PPM1H: variants seen among roughly 807,000 people sequenced by gnomAD.
PPM1H encodes protein phosphatase, Mg2+/Mn2+ dependent 1H.
Under a neutral mutation model 54.9 loss-of-function variants are expected in PPM1H, and 27 were observed. That is an observed-to-expected ratio of 0.49 (90% CI 0.36 to 0.68). The LOEUF (loss-of-function observed/expected upper bound fraction) is 0.68. Ranked by LOEUF, PPM1H falls within the 30% of genes least tolerant of loss-of-function variation. PPM1H has a pLI of 0.00. For synonymous variants in PPM1H, 305 were observed against 270.8 expected (o/e 1.13, Z -1.24); for missense variants, 596 against 667.8 (o/e 0.89, Z 1.19).
At chr12:62,905,868 A>G (rs896993403) in intron 1 of PPM1H, among the ~76,000 whole-genome samples, 39 of 152,204 alleles carry the variant, frequency 2.6e-4, no homozygotes, top group African/African-American at 9.4e-4. Context: ...TAGCTTCCAT[A>G]TGATGATGCA....
At chr12:62,835,568 A>C (rs910594717) in intron 1 of PPM1H, among the ~76,000 whole-genome samples, 1 of 152,238 alleles carries the variant, frequency 6.6e-6, no homozygotes, top group African/African-American at 2.4e-5. Context: ...TAGCTTATGA[A>C]TAGCACTAAT....
chr12:62,927,513 T>G (rs1872006119), intron 1 of PPM1H, among the ~76,000 whole-genome samples: 1 of 151,490 alleles, frequency 6.6e-6, no homozygotes, highest in Non-Finnish European at 1.5e-5. Context: ...TACAAAAAAA[T>G]TACCTGGGTG....
chr12:62,914,534 A>T (rs1437720138), intron 1 of PPM1H, among the ~76,000 whole-genome samples: 1 of 152,218 alleles, frequency 6.6e-6, no homozygotes, highest in Non-Finnish European at 1.5e-5. Flanking sequence ...GACTTAGCAC[A>T]TCTGTGGGAG....
In PPM1H at chr12:62,644,105, A is replaced by T. The variant is rs949679794; in HGVS notation, c.*4384T>A. Reference sequence around the variant, plus strand: ...CTAAGTTTCAAAACACACAAAATAGATCCCCTTTACTAAACAGTTTTCATT... The same window carrying T: ...CTAAGTTTCAAAACACACAAAATAGTTCCCCTTTACTAAACAGTTTTCATT... On this transcript the variant is annotated 3_prime_UTR_variant, in exon 10 of 10. Transcript: ENST00000228705. The T allele has an allele frequency of 6.6e-6, 1 of 152,196 alleles. No individual in the cohort carries two copies. The highest frequency in any genetic ancestry group is 6.5e-5 in the Admixed American group (1 of 15,282). The allele number at this position is 152,196 out of a possible 1,614,324, so 9.4% of individuals were successfully genotyped here. A position where few individuals can be genotyped will look rare whatever the true frequency, so the allele number is the denominator to read the frequency against.
chr12:62,653,864 C>T (rs1365707465), intron 9 of PPM1H, among the ~76,000 whole-genome samples: 1 of 152,042 alleles, frequency 6.6e-6, no homozygotes, highest in Non-Finnish European at 1.5e-5. Context: ...TGTCTGGCGA[C>T]CATCAGGTGA....
chr12:62,887,136 C>G (rs774836896), intron 1 of PPM1H, among the ~76,000 whole-genome samples: 3 of 152,058 alleles, frequency 2.0e-5, no homozygotes, highest in Non-Finnish European at 2.9e-5. Flanking sequence ...TGTTTCTCAC[C>G]GGCTGAGACA....
chr12:62,755,324 A>G (rs1288877309), intron 4 of PPM1H: 3 of 1,150,430 alleles, frequency 2.6e-6, no homozygotes, highest in Admixed American at 3.4e-5. Flanking sequence ...GTTGCCATCA[A>G]TGACCCCTTC....
chr12:62,924,683 C>T (rs1197029000), intron 1 of PPM1H, among the ~76,000 whole-genome samples: 1 of 152,092 alleles, frequency 6.6e-6, no homozygotes, highest in Admixed American at 6.5e-5. Flanking sequence ...TTCAGGGAAA[C>T]CCGAGATGAC....
At chr12:62,885,208 C>T (rs532095553) in intron 1 of PPM1H, among the ~76,000 whole-genome samples, 24 of 152,286 alleles carry the variant, frequency 1.6e-4, no homozygotes, top group African/African-American at 5.3e-4. Flanking sequence ...TCCCACAACA[C>T]ATGGGAATTC....
chr12:62,722,406 T>C (rs17734018), intron 5 of PPM1H, among the ~76,000 whole-genome samples: 8,549 of 152,190 alleles, frequency 0.056, 302 homozygotes, highest in Middle Eastern at 0.082. Context: ...ATGAGAACAC[T>C]ACATCCTGGA....
intron 6 of PPM1H, among the ~76,000 whole-genome samples, chr12:62,706,828 T>TA (rs921452726): frequency 2.1e-4 from 32 of 150,950 alleles, no homozygotes; most frequent in African/African-American, 5.1e-4. Flanking sequence ...AATTAAATTG[T>TA]AAAAAAAAAA....
At position 62,788,492 on chromosome 12, in the gene PPM1H, A is replaced by G. The variant is rs2076686235; in HGVS notation, c.757-154T>C. 3 of 563,504 alleles carry G rather than the reference A, an allele frequency of 5.3e-6. 1 individual carries two copies. Among genetic ancestry groups the G allele is most frequent in the Non-Finnish European group, 9.5e-6 (3 of 316,136 alleles). The allele number at this position is 563,504 out of a possible 1,614,324, so 34.9% of individuals were successfully genotyped here. A position where few individuals can be genotyped will look rare whatever the true frequency, so the allele number is the denominator to read the frequency against. On this transcript the variant is annotated intron_variant, in intron 3 of 9. Coordinates refer to ENST00000228705, the MANE Select transcript of PPM1H (RefSeq NM_020700.2). The stretch of plus-strand genomic sequence containing the variant: ...CTTGCTTTCCTACCACCTGATGAGC[A>G]TTTCTGGAGAGGACACTGGCATAAA...
chr12:62,752,181 A>G (rs756666091), intron 4 of PPM1H, among the ~76,000 whole-genome samples: 33 of 152,218 alleles, frequency 2.2e-4, no homozygotes, highest in Admixed American at 3.3e-4. Context: ...GATAAATACC[A>G]CTTTCTTCAG....
At chr12:62,741,529 A>G (rs1217417598) in intron 4 of PPM1H, among the ~76,000 whole-genome samples, 5 of 151,622 alleles carry the variant, frequency 3.3e-5, no homozygotes, top group Admixed American at 3.3e-4. Context: ...CACTCTTGCT[A>G]CTCCCTTCAC....
At chr12:62,757,968 G>T (rs2076485750) in intron 4 of PPM1H, among the ~76,000 whole-genome samples, 1 of 152,164 alleles carries the variant, frequency 6.6e-6, no homozygotes, top group African/African-American at 2.4e-5. Flanking sequence ...TAGGAGTGAG[G>T]TTTAGAAGGA....
chr12:62,716,708 G>A (rs760147195), intron 6 of PPM1H, among the ~76,000 whole-genome samples: 1 of 152,050 alleles, frequency 6.6e-6, no homozygotes, highest in Non-Finnish European at 1.5e-5. Context: ...AAAAAAATTT[G>A]TTATAGAGAT....
At chr12:62,657,518 C>T (rs1319576941) in intron 9 of PPM1H, among the ~76,000 whole-genome samples, 2 of 152,176 alleles carry the variant, frequency 1.3e-5, no homozygotes, top group Non-Finnish European at 2.9e-5. Context: ...GTGTGCTAAA[C>T]ATTGCAAAAG....
intron 1 of PPM1H, among the ~76,000 whole-genome samples, chr12:62,861,823 G>A (rs1869612193): frequency 6.6e-6 from 1 of 152,174 alleles, no homozygotes; most frequent in Non-Finnish European, 1.5e-5. Context: ...TAAAGGGGCA[G>A]CTTGTACACA....
At chr12:62,783,200 G>C (rs1168455692) in intron 4 of PPM1H, among the ~76,000 whole-genome samples, 1 of 152,142 alleles carries the variant, frequency 6.6e-6, no homozygotes. Context: ...CTCTCATGTT[G>C]AGAAAACACT....
Sources: allele counts gnomAD v4.1 joint callset (sites outside exome capture counted in the v4.1 genomes callset), GRCh38; gene constraint gnomAD v4.1.1; transcripts MANE v1.5; gene names NCBI Gene and HGNC (gene_info 2026-07-23, HGNC 2026-07-21).